PDE3A: variants seen among roughly 807,000 people sequenced by gnomAD.
PDE3A encodes the protein cGMP-inhibited 3',5'-cyclic phosphodiesterase 3A.
A neutral mutation model predicts 98.3 loss-of-function variants in PDE3A; 43 were observed. That is an observed-to-expected ratio of 0.44 (90% confidence interval 0.34 to 0.56). The LOEUF is 0.56. Among genes scored for constraint, PDE3A ranks in the 20% least tolerant of loss-of-function variants. PDE3A has a pLI of 0.01. For synonymous variants in PDE3A, 663 were observed against 567.9 expected (o/e 1.17, Z -2.38); for missense variants, 1,427 against 1,440.7 (o/e 0.99, Z 0.15).
chr12:20,429,739 G>T (rs1023400002), intron 1 of PDE3A, among the ~76,000 whole-genome samples: 6 of 152,056 alleles, frequency 3.9e-5, no homozygotes, highest in Non-Finnish European at 5.9e-5. Flanking sequence ...AATAGAAAAA[G>T]TATGTTTAAT....
rs1018823993 is a variant in PDE3A at position 20,529,280 on chromosome 12, G to C, written c.961-27380G>C. On this transcript the variant is annotated intron_variant, in intron 1 of 15. Transcript: ENST00000359062. ...ACTTACCAAGCATATATTTTACTTG[G>C]AGAAAATGAAAATTGCTCCATCCAT... is the stretch of plus-strand genomic sequence containing the variant. Among the ~76,000 whole-genome samples, 13 of 152,216 alleles carry C rather than the reference G, an allele frequency of 8.5e-5. No individual in the cohort carries two copies. The East Asian group carries it at 2.3e-3, about 27-fold the overall frequency.
At chr12:20,404,601 A>G (rs1225015883) in intron 1 of PDE3A, among the ~76,000 whole-genome samples, 2 of 152,170 alleles carry the variant, frequency 1.3e-5, no homozygotes, top group African/African-American at 4.8e-5. Context: ...AAATATATTG[A>G]ATGGTACTGG....
chr12:20,406,319 G>A lies in PDE3A; in HGVS notation c.960+36075G>A, dbSNP rs139258435. ...TTGAGGAATCTCAGTGTTGTTTTTC[G>A]TAATCAGTTTACTAAATTACATTCC... On this transcript the variant is annotated intron_variant, in intron 1 of 15. Transcript: ENST00000359062. Among the ~76,000 whole-genome samples, 634 of 152,216 alleles carry A rather than the reference G, an allele frequency of 4.2e-3. 1 individual carries two copies. Among genetic ancestry groups the A allele is most frequent in the African/African-American group, 0.014 (594 of 41,534 alleles).
intron 8 of PDE3A, among the ~76,000 whole-genome samples, chr12:20,636,132 G>A (rs7300068): frequency 0.14 from 21,150 of 152,112 alleles, 1,630 homozygotes; most frequent in Admixed American, 0.18. Context: ...ACCAATATTT[G>A]TTTTTCTTGT....
At position 20,680,151 on chromosome 12, in the gene PDE3A, A is replaced by G. The variant is rs750738105; in HGVS notation, c.3306A>G (p.Gln1102=). The G allele has an allele frequency of 2.5e-6, 4 of 1,614,048 alleles. No individual in the cohort carries two copies. In the Admixed American group the frequency reaches 5.0e-5, roughly 20 times the overall value. Residue 1102 remains glutamine, a synonymous_variant, in exon 16 of 16, where the codon CAA becomes CAG. Transcript: ENST00000359062. ...EEQRLAGIEN[Q]SLDQTPQSHS... is the part of the protein sequence containing the mutation. ...AACGGTTGGCAGGCATAGAAAATCAATCCCTGGACCAGACCCCTCAGTCGC... is the reference window on the plus strand; with the variant it reads ...AACGGTTGGCAGGCATAGAAAATCAGTCCCTGGACCAGACCCCTCAGTCGC...
intron 1 of PDE3A, among the ~76,000 whole-genome samples, chr12:20,494,683 ATT>A (rs1180225736): frequency 2.0e-5 from 3 of 152,136 alleles, no homozygotes; most frequent in Non-Finnish European, 4.4e-5. Flanking sequence ...AACAAGTGAC[ATT>A]TATTTCCTGC....
intron 2 of PDE3A, among the ~76,000 whole-genome samples, chr12:20,587,399 T>A (rs1943222639): frequency 6.6e-6 from 1 of 151,504 alleles, no homozygotes; most frequent in Non-Finnish European, 1.5e-5. Context: ...ATAAATAAAA[T>A]TACTAGGCTC....
At chr12:20,548,275 A>G (rs1040590178) in intron 1 of PDE3A, among the ~76,000 whole-genome samples, 5 of 152,120 alleles carry the variant, frequency 3.3e-5, no homozygotes, top group Non-Finnish European at 7.4e-5. Context: ...TTTTTTTTAG[A>G]GAATTTCTTC....
chr12:20,417,440 C>T (rs1447151862), intron 1 of PDE3A, among the ~76,000 whole-genome samples: 15 of 152,086 alleles, frequency 9.9e-5, no homozygotes, highest in Non-Finnish European at 1.9e-4. Context: ...TCAACCATAG[C>T]CTCGAGAGGT....
chr12:20,581,770 G>A (rs1943074073), intron 2 of PDE3A, among the ~76,000 whole-genome samples: 2 of 151,428 alleles, frequency 1.3e-5, no homozygotes, highest in Admixed American at 1.3e-4. Context: ...CCGCCACTAC[G>A]CCCGGCTAAT....
At chr12:20,660,919 C>T (rs1046083537) in intron 15 of PDE3A, among the ~76,000 whole-genome samples, 1 of 151,934 alleles carries the variant, frequency 6.6e-6, no homozygotes, top group African/African-American at 2.4e-5. Flanking sequence ...AATGTGGAAA[C>T]GACTTTGGAA....
chr12:20,665,023 G>A (rs1447303167), intron 15 of PDE3A, among the ~76,000 whole-genome samples: 1 of 152,080 alleles, frequency 6.6e-6, no homozygotes, highest in Non-Finnish European at 1.5e-5. Context: ...CATATTTATT[G>A]ACTTTTCTTC....
rs111652973 is a variant in PDE3A at position 20,427,165 on chromosome 12, A to C, written c.960+56921A>C. ...TAAGAATGATTTCATGCATGTCAGCAAAAATAGTTTGATACAGGACTCATT... is the reference window on the plus strand; with the variant it reads ...TAAGAATGATTTCATGCATGTCAGCCAAAATAGTTTGATACAGGACTCATT... On this transcript the variant is annotated intron_variant, in intron 1 of 15. Coordinates refer to ENST00000359062, the MANE Select transcript of PDE3A (RefSeq NM_000921.5). 6.5e-3 allele frequency among the ~76,000 whole-genome samples: 995 copies of C among 152,354 alleles called. 15 individuals are homozygous for C. Among genetic ancestry groups the C allele is most frequent in the African/African-American group, 0.023 (951 of 41,590 alleles).
At chr12:20,535,624 T>TA (rs950134513) in intron 1 of PDE3A, among the ~76,000 whole-genome samples, 6 of 151,940 alleles carry the variant, frequency 3.9e-5, no homozygotes, top group Non-Finnish European at 7.4e-5. Flanking sequence ...CAACCACTAA[T>TA]AAAAAAAATG....
Position 20,552,532 on chromosome 12 carries a change from G to A in PDE3A, c.961-4128G>A, listed in dbSNP as rs1408844783. 10 of 1,613,206 alleles carry A rather than the reference G, an allele frequency of 6.2e-6. No individual in the cohort carries two copies. The highest frequency in any genetic ancestry group is 1.1e-5 in the South Asian group (1 of 90,950). On this transcript the variant is annotated intron_variant, in intron 1 of 15. Transcript: ENST00000359062. The surrounding 1 kb of genome is among the most constrained non-coding windows in gnomAD (Gnocchi z 5.1). ...GAGGGAGGAGGAGGAGCAGCAGGAG[G>A]GGGGCTTCGCGTCCCCCAGGACGGG...
At chr12:20,487,778 T>C (rs529846456) in intron 1 of PDE3A, among the ~76,000 whole-genome samples, 3 of 152,280 alleles carry the variant, frequency 2.0e-5, no homozygotes, top group Non-Finnish European at 4.4e-5. Context: ...GAGATTGCTG[T>C]CAGTTTCTAT....
At position 20,682,624 on chromosome 12, in the gene PDE3A, C is replaced by G. The variant is rs1235890171; in HGVS notation, c.*2353C>G. On this transcript the variant is annotated 3_prime_UTR_variant, in exon 16 of 16. Coordinates refer to ENST00000359062, the MANE Select transcript of PDE3A (RefSeq NM_000921.5). ...TATTTAGAACTTACTAAATTGTTTT[C>G]ATTTTCTTAGTTTTACCTGTGTATC... 6.6e-6 allele frequency: 1 copy of G among 152,100 alleles called. No homozygotes were observed. The highest frequency in any genetic ancestry group is 2.4e-5 in the African/African-American group (1 of 41,430). 9.4% of individuals were successfully genotyped at this position (152,100 alleles called of 1,614,324 possible). A position where few individuals can be genotyped will look rare whatever the true frequency, so the allele number is the denominator to read the frequency against.
At chr12:20,585,813 A>C (rs1252744841) in intron 2 of PDE3A, among the ~76,000 whole-genome samples, 2 of 152,014 alleles carry the variant, frequency 1.3e-5, no homozygotes, top group Non-Finnish European at 2.9e-5. Context: ...ACTTTGGTTC[A>C]TGCCTTTTCC....
intron 1 of PDE3A, among the ~76,000 whole-genome samples, chr12:20,496,892 A>C (rs1200768247): frequency 1.3e-5 from 2 of 152,190 alleles, no homozygotes; most frequent in African/African-American, 2.4e-5. Flanking sequence ...ATTCCAGAAG[A>C]GTGTAATTTA....
Sources: allele counts gnomAD v4.1 joint callset (sites outside exome capture counted in the v4.1 genomes callset), GRCh38; gene constraint gnomAD v4.1.1; non-coding constraint Gnocchi (gnomAD v3.1); transcripts MANE v1.5; gene names NCBI Gene and HGNC (gene_info 2026-07-23, HGNC 2026-07-21).